The following ESYT2 variants were observed in gnomAD, a reference collection of about 807,000 sequenced individuals.
The protein encoded by ESYT2 is extended synaptotagmin-2.
A neutral mutation model predicts 107.2 loss-of-function variants in ESYT2; 54 were observed. The ratio of observed to expected loss-of-function variants is 0.50; its 90% CI spans 0.40 to 0.63. ESYT2 has a LOEUF of 0.63. Among genes scored for constraint, ESYT2 ranks in the 30% least tolerant of loss-of-function variants. The pLI is 0.00. For synonymous variants in ESYT2, 491 were observed against 434.1 expected, an observed-to-expected ratio of 1.13 and a Z score of -1.63; for missense variants, 1,020 against 1,094.5, an observed-to-expected ratio of 0.93 and a Z score of 0.96.
chr7:158,736,204 G>C (rs1836942500), intron 20 of ESYT2, among the ~76,000 whole-genome samples: 2 of 150,328 alleles, frequency 1.3e-5, no homozygotes, highest in African/African-American at 4.9e-5. Context: ...GCCTCGGATG[G>C]GTAGGAGCAC....
chr7:158,806,701 G>C (rs1194706811), intron 1 of ESYT2, among the ~76,000 whole-genome samples: 1 of 152,200 alleles, frequency 6.6e-6, no homozygotes, highest in African/African-American at 2.4e-5. Flanking sequence ...TAAAAGAAAG[G>C]TCACACAATT....
chr7:158,810,233 ACAG>A (rs1468735758), intron 1 of ESYT2, among the ~76,000 whole-genome samples: 3 of 152,252 alleles, frequency 2.0e-5, no homozygotes, highest in African/African-American at 7.2e-5. Context: ...ATGAATGCTC[ACAG>A]CAGCATGATT....
rs971992242 is a variant in ESYT2 at position 158,732,351 on chromosome 7, T to C, written c.*1856A>G. The stretch of plus-strand genomic sequence containing the variant: ...TTCCATAAATACCATAGTTAAATGT[T>C]TTGTGTGCATACATGTTCGTATTTG... On this transcript the variant is annotated 3_prime_UTR_variant, in exon 23 of 23. Coordinates refer to ENST00000275418, the MANE Select transcript of ESYT2 (RefSeq NM_001367773.1). The C allele has an allele frequency of 5.9e-5, 9 of 152,222 alleles. No homozygotes were observed. The highest frequency in any genetic ancestry group is 1.5e-5 in the Non-Finnish European group (1 of 68,038). 9.4% of individuals were successfully genotyped at this position (152,222 alleles called of 1,614,324 possible).
chr7:158,805,667 A>C (rs1489151447), intron 1 of ESYT2, among the ~76,000 whole-genome samples: 1 of 152,242 alleles, frequency 6.6e-6, no homozygotes, highest in African/African-American at 2.4e-5. Context: ...TGGATACCCT[A>C]ATGCTTTGGT....
chr7:158,822,993 AT>A (rs1840328863), intron 1 of ESYT2, among the ~76,000 whole-genome samples: 1 of 151,968 alleles, frequency 6.6e-6, no homozygotes, highest in South Asian at 2.1e-4. Flanking sequence ...CTTTTCATCC[AT>A]TATTAAAAGA....
Position 158,740,894 on chromosome 7 carries a change from T to C in ESYT2, c.2168+629A>G, listed in dbSNP as rs892079673. ...TTCTTATTATTCAACACACCTCTTA[T>C]AACACCACACAGGGAGAACTATTTC... On this transcript the variant is annotated intron_variant, in intron 18 of 22. Coordinates refer to ENST00000275418, the MANE Select transcript of ESYT2 (RefSeq NM_001367773.1). Among the ~76,000 whole-genome samples the C allele has an allele frequency of 1.1e-4, 17 of 152,314 alleles. No individual in the cohort carries two copies. In the South Asian group the frequency reaches 3.5e-3, roughly 32 times the overall value.
intron 1 of ESYT2, among the ~76,000 whole-genome samples, chr7:158,820,498 TAAC>T (rs1032736729): frequency 3.3e-4 from 51 of 152,284 alleles, no homozygotes; most frequent in Admixed American, 1.8e-3. Context: ...GATAAAAAAA[TAAC>T]AACAGCCAGG....
chr7:158,802,885 C>T (rs1437082631), intron 1 of ESYT2, among the ~76,000 whole-genome samples: 1 of 152,246 alleles, frequency 6.6e-6, no homozygotes, highest in Non-Finnish European at 1.5e-5. Flanking sequence ...AAATCATGAA[C>T]TTGCCAATCA....
At chr7:158,815,354 T>C (rs1840121764) in intron 1 of ESYT2, among the ~76,000 whole-genome samples, 2 of 152,186 alleles carry the variant, frequency 1.3e-5, no homozygotes, top group African/African-American at 4.8e-5. Context: ...AGCCTCAAAC[T>C]ACTGCTCCTA....
intron 6 of ESYT2, among the ~76,000 whole-genome samples, chr7:158,786,484 T>C (rs1215634572): frequency 6.6e-6 from 1 of 152,242 alleles, no homozygotes; most frequent in Non-Finnish European, 1.5e-5. Flanking sequence ...TAGTAAAATT[T>C]AATTTTAACA....
chr7:158,808,299 G>C (rs536107531), intron 1 of ESYT2, among the ~76,000 whole-genome samples: 1 of 152,240 alleles, frequency 6.6e-6, no homozygotes. Flanking sequence ...TGTCCAGCTC[G>C]AGACACGAGC....
intron 15 of ESYT2, among the ~76,000 whole-genome samples, chr7:158,748,876 T>A (rs61399093): frequency 6.7e-6 from 1 of 149,786 alleles, no homozygotes; most frequent in Non-Finnish European, 1.5e-5. Flanking sequence ...CGTGCCACCA[T>A]GCCCAGCTAA....
At chr7:158,828,996 G>A (rs1840546498) in intron 1 of ESYT2, 93 bp downstream of exon 1, 2 of 1,504,414 alleles carry the variant, frequency 1.3e-6, no homozygotes, top group Non-Finnish European at 1.8e-6. Flanking sequence ...CACTCACCCA[G>A]GCGGCAGGTC....
intron 14 of ESYT2, among the ~76,000 whole-genome samples, chr7:158,751,185 A>G (rs1837573397): frequency 6.6e-6 from 1 of 152,180 alleles, no homozygotes; most frequent in African/African-American, 2.4e-5. Context: ...TCACTGCCCT[A>G]ACCAATTTAT....
chr7:158,767,178 G>A (rs900401507), intron 8 of ESYT2, among the ~76,000 whole-genome samples: 3 of 152,178 alleles, frequency 2.0e-5, no homozygotes, highest in African/African-American at 7.2e-5. Context: ...TGTTGTATAA[G>A]TGCTTCTTCT....
At position 158,829,187 on chromosome 7, in the gene ESYT2, C is replaced by G; in HGVS notation, c.232G>C (p.Gly78Arg). 6.5e-7 allele frequency: 1 copy of G among 1,536,244 alleles called. No individual in the cohort carries two copies. Among genetic ancestry groups the G allele is most frequent in the Non-Finnish European group, 8.7e-7 (1 of 1,149,546 alleles). ...CGGCACAGGCGCAGGGCCTTGAGGC[C>G]GCGGCTGCGGCGACACCAGGCGAGC... ...ALLAWCRRSRGLKALRLCRAL... is the reference protein window; with the variant it reads ...ALLAWCRRSRRLKALRLCRAL... The change falls in exon 1 of 23, where the codon GGC becomes CGC. Residue 78 changes from glycine to arginine, a missense_variant. Gly to Arg is a moderately radical substitution (Grantham distance 125, BLOSUM62 -2). Coordinates refer to ENST00000275418, the MANE Select transcript of ESYT2 (RefSeq NM_001367773.1).
chr7:158,748,640 G>A (rs147397074), intron 15 of ESYT2, among the ~76,000 whole-genome samples: 16 of 152,200 alleles, frequency 1.1e-4, no homozygotes, highest in African/African-American at 3.6e-4. Context: ...GAGCACTTGG[G>A]CACGTCTCTT....
At chr7:158,819,659 T>C (rs908623305) in intron 1 of ESYT2, among the ~76,000 whole-genome samples, 1 of 152,152 alleles carries the variant, frequency 6.6e-6, no homozygotes, top group Non-Finnish European at 1.5e-5. Context: ...GCAGGTAACG[T>C]TTTTCTTCTT....
intron 6 of ESYT2, among the ~76,000 whole-genome samples, chr7:158,784,196 C>A (rs548475871): frequency 6.6e-6 from 1 of 152,330 alleles, no homozygotes; most frequent in Admixed American, 6.5e-5. Context: ...AACCACAGAT[C>A]CCAGAAAGTC....
Sources: gnomAD v4.1 joint callset for allele counts (sites outside exome capture counted in the v4.1 genomes callset) on GRCh38, gnomAD v4.1.1 for gene constraint, MANE v1.5 for transcripts, NCBI Gene and HGNC (gene_info 2026-07-23, HGNC 2026-07-21) for gene names.